Variants in CRAMP1 observed in about 807,000 individuals in gnomAD.
The protein encoded by CRAMP1 is protein cramped-like.
Under a neutral mutation model 115.4 loss-of-function variants are expected in CRAMP1, and 50 were observed. The observed-to-expected ratio is 0.43, with a 90% CI of 0.35 to 0.55. The LOEUF (loss-of-function observed/expected upper bound fraction) is 0.55. Ranked by LOEUF, CRAMP1 falls within the 20% of genes least tolerant of loss-of-function variation. The pLI is 0.01. For synonymous variants in CRAMP1, 866 were observed against 745.4 expected, an observed-to-expected ratio of 1.16 and a Z score of -2.64; for missense variants, 1,679 against 1,721.7, an observed-to-expected ratio of 0.98 and a Z score of 0.44.
At position 1,614,522 on chromosome 16, in the gene CRAMP1, A is replaced by AGCCGC; in HGVS notation, c.-1-116_-1-112dup. 1 of 508,044 alleles carries AGCCGC rather than the reference A, an allele frequency of 2.0e-6. No individual in the cohort carries two copies. Among genetic ancestry groups the AGCCGC allele is most frequent in the Non-Finnish European group, 2.8e-6 (1 of 362,268 alleles). The allele number at this position is 508,044 out of a possible 1,614,324, so 31.5% of individuals were successfully genotyped here. ...GGGCGGGCTCGGGCGGGCCGGGCCGAGCCGCCGAGAGGGGATTTGGAACAA... is the reference window on the plus strand; with the variant it reads ...GGGCGGGCTCGGGCGGGCCGGGCCGAGCCGCGCCGCCGAGAGGGGATTTGGAACAA... On this transcript the variant is annotated intron_variant, in intron 1 of 20. Transcript: ENST00000397412. This position sits in a 1 kb window ranked among gnomAD's most constrained non-coding sequence, Gnocchi z 4.4.
intron 3 of CRAMP1, among the ~76,000 whole-genome samples, chr16:1,628,962 C>T (rs928595612): frequency 1.3e-5 from 2 of 152,202 alleles, no homozygotes; most frequent in Non-Finnish European, 2.9e-5. Flanking sequence ...AGTTATGGCC[C>T]GTCCAGACTT....
chr16:1,646,326 T>A (rs2036674028), intron 6 of CRAMP1, among the ~76,000 whole-genome samples: 1 of 152,130 alleles, frequency 6.6e-6, no homozygotes, highest in Non-Finnish European at 1.5e-5. Context: ...TGCCAGACTC[T>A]TCCAAGAGAG....
chr16:1,629,542 C>T (rs918292121), intron 3 of CRAMP1, among the ~76,000 whole-genome samples: 1 of 152,210 alleles, frequency 6.6e-6, no homozygotes, highest in Non-Finnish European at 1.5e-5. Flanking sequence ...CACAGATGCC[C>T]TGGGACTTTA....
In CRAMP1 at chr16:1,653,018, T is replaced by G. The variant is rs764861630; in HGVS notation, c.914-15T>G. The G allele has an allele frequency of 6.2e-7, 1 of 1,613,422 alleles. No homozygotes were observed. The highest frequency in any genetic ancestry group is 8.5e-7 in the Non-Finnish European group (1 of 1,179,670). On this transcript the variant is annotated splice_polypyrimidine_tract_variant and intron_variant, in intron 7 of 20. Coordinates refer to ENST00000397412, the MANE Select transcript of CRAMP1 (RefSeq NM_020825.4). ...TTGGGCTGCACTAAACTTTCATGGT[T>G]CTTCTGCATTGCAGGCTTGAGTGAT...
At position 1,668,060 on chromosome 16, in the gene CRAMP1, G is replaced by C. The variant is rs1302266915; in HGVS notation, c.3201G>C (p.Leu1067=). ...CGTCAGAGAGCTCCAGCACCCGGCT[G>C]TCTCCACCAGACGTCTCTGCTCTGC... The part of the protein sequence containing the change: ...LSSSESSSTR[L]SPPDVSALLD... Residue 1067 remains leucine, a synonymous_variant, in exon 18 of 21, where the codon CTG becomes CTC. Coordinates refer to ENST00000397412, the MANE Select transcript of CRAMP1 (RefSeq NM_020825.4). 4 of 1,613,812 alleles carry C rather than the reference G, an allele frequency of 2.5e-6. No homozygotes were observed. The highest frequency in any genetic ancestry group is 3.4e-6 in the Non-Finnish European group (4 of 1,179,882).
At chr16:1,662,232 A>T (rs1048976852) in intron 11 of CRAMP1, among the ~76,000 whole-genome samples, 7 of 152,180 alleles carry the variant, frequency 4.6e-5, no homozygotes, top group Non-Finnish European at 8.8e-5. Flanking sequence ...CTTACCCCTG[A>T]GCACTGAGCG....
intron 13 of CRAMP1, among the ~76,000 whole-genome samples, chr16:1,664,541 G>A (rs2036857800): frequency 2.0e-5 from 3 of 152,204 alleles, no homozygotes; most frequent in Non-Finnish European, 4.4e-5. Flanking sequence ...CACTTTGGGA[G>A]GCCGAGGCAG....
intron 2 of CRAMP1, among the ~76,000 whole-genome samples, chr16:1,615,212 T>C (rs2036408221): frequency 6.6e-6 from 1 of 152,262 alleles, no homozygotes; most frequent in South Asian, 2.1e-4. Flanking sequence ...AGTATCCTTT[T>C]TTGGGGGGGA....
At chr16:1,637,249 A>G (rs986244183) in intron 4 of CRAMP1, among the ~76,000 whole-genome samples, 13 of 151,934 alleles carry the variant, frequency 8.6e-5, no homozygotes, top group African/African-American at 2.9e-4. Context: ...AGCCGAGATC[A>G]TGCCACTGCA....
intron 13 of CRAMP1, among the ~76,000 whole-genome samples, chr16:1,663,365 TG>T (rs2036848827): frequency 6.6e-6 from 1 of 152,244 alleles, no homozygotes; most frequent in African/African-American, 2.4e-5. Context: ...TGTGTTATTT[TG>T]GATTCATGCA....
chr16:1,622,094 G>A (rs1295949167), intron 2 of CRAMP1, among the ~76,000 whole-genome samples: 1 of 152,086 alleles, frequency 6.6e-6, no homozygotes. Flanking sequence ...ATTTCATTTC[G>A]CTTGAGCTGT....
At chr16:1,612,950 C>T (rs553908350) in intron 1 of CRAMP1, among the ~76,000 whole-genome samples, 1 of 152,146 alleles carries the variant, frequency 6.6e-6, no homozygotes, top group African/African-American at 2.4e-5. Context: ...TGGACGGCGT[C>T]GGTCCTTTCA....
rs1257455613 is a variant in CRAMP1, at chr16:1,668,235, G to A, written c.3334+42G>A. ...CTCACAGCCCTTCCTGTCATCAGGT[G>A]TTGATCTCCTGCCCCAATGTTTGCC... On this transcript the variant is annotated intron_variant, in intron 18 of 20. Transcript: ENST00000397412. The A allele has an allele frequency of 8.7e-6, 12 of 1,381,260 alleles. No homozygotes were observed. The East Asian group carries it at 1.4e-4, about 16-fold the overall frequency. The allele number at this position is 1,381,260 out of a possible 1,614,324, so 85.6% of individuals were successfully genotyped here. A position where few individuals can be genotyped will look rare whatever the true frequency, so the allele number is the denominator to read the frequency against.
chr16:1,672,135 C>G lies in CRAMP1; in HGVS notation c.3645+1326C>G, dbSNP rs1370746155. ...GCTGTTGAAAGGACGGGCCACAGCC[C>G]AGTGACAGGAGCCCCTTGGAGTCAG... On this transcript the variant is annotated intron_variant, in intron 20 of 20. Coordinates refer to ENST00000397412, the MANE Select transcript of CRAMP1 (RefSeq NM_020825.4). This position sits in a 1 kb window ranked among gnomAD's most constrained non-coding sequence, Gnocchi z 4.9. Among the ~76,000 whole-genome samples, 1 of 152,204 alleles carries G rather than the reference C, an allele frequency of 6.6e-6. No homozygotes were observed. Among genetic ancestry groups the G allele is most frequent in the Non-Finnish European group, 1.5e-5 (1 of 68,040 alleles).
chr16:1,652,669 C>A, intron 7 of CRAMP1, 88 bp downstream of exon 7: 1 of 1,218,232 alleles, frequency 8.2e-7, no homozygotes, highest in Non-Finnish European at 1.2e-6. Context: ...GGGTTGCTGC[C>A]ACAGTTGCTT....
At chr16:1,670,991 C>T (rs539390990) in intron 20 of CRAMP1, among the ~76,000 whole-genome samples, 182 bp downstream of exon 20, 2 of 152,100 alleles carry the variant, frequency 1.3e-5, no homozygotes, top group South Asian at 2.1e-4. Context: ...GACGCTGGGC[C>T]GGCTCTCGTC....
intron 6 of CRAMP1, among the ~76,000 whole-genome samples, chr16:1,650,055 A>G (rs933892118): frequency 6.6e-6 from 1 of 152,116 alleles, no homozygotes; most frequent in Non-Finnish European, 1.5e-5. Context: ...TGGCCTCCCA[A>G]AGTGCTGGGA....
At chr16:1,647,334 A>T (rs1281739100) in intron 6 of CRAMP1, among the ~76,000 whole-genome samples, 2 of 152,238 alleles carry the variant, frequency 1.3e-5, no homozygotes, top group South Asian at 4.1e-4. Flanking sequence ...GTGGTTTTGC[A>T]GAGAAGAGAA....
rs574848223 is a variant in CRAMP1 at position 1,654,273 on chromosome 16, G to A, written c.1038-946G>A. Among the ~76,000 whole-genome samples the A allele has an allele frequency of 1.6e-4, 24 of 150,244 alleles. No individual in the cohort carries two copies. In the East Asian group the frequency reaches 3.6e-3, roughly 22 times the overall value. On this transcript the variant is annotated intron_variant, in intron 8 of 20. Transcript: ENST00000397412. Reference sequence around the variant, plus strand: ...TGGCTCAGGCTGGAGTGCAAATGGCGCAGTCTCGGCTCACTGCAACCTCCG... The same window carrying A: ...TGGCTCAGGCTGGAGTGCAAATGGCACAGTCTCGGCTCACTGCAACCTCCG...
Sources: gnomAD v4.1 joint callset for allele counts (sites outside exome capture counted in the v4.1 genomes callset) on GRCh38, gnomAD v4.1.1 for gene constraint, Gnocchi (gnomAD v3.1) non-coding constraint, MANE v1.5 for transcripts, NCBI Gene and HGNC (gene_info 2026-07-23, HGNC 2026-07-21) for gene names.